The following MYO16 variants were observed in gnomAD, a reference collection of about 807,000 sequenced individuals.
MYO16 encodes myosin XVI, also known as unconventional myosin-XVI.
MYO16 carries 94 observed loss-of-function variants against 205.3 expected under a neutral mutation model. The ratio of observed to expected loss-of-function variants is 0.46; its 90% CI spans 0.39 to 0.54. The LOEUF (loss-of-function observed/expected upper bound fraction) is 0.54. Ranked by LOEUF, MYO16 falls within the 20% of genes least tolerant of loss-of-function variation. The pLI is 0.00. For missense variants in MYO16, 2,315 were observed against 2,387.5 expected (o/e 0.97, Z 0.63); for synonymous variants, 988 against 954.0 (o/e 1.04, Z -0.66).
intron 4 of MYO16, among the ~76,000 whole-genome samples, chr13:108,761,503 A>T (rs776709586): frequency 2.0e-5 from 3 of 152,236 alleles, no homozygotes; most frequent in Non-Finnish European, 4.4e-5. Flanking sequence ...ACAGGGTTTA[A>T]TAGGTAGCGA....
In MYO16 at chr13:109,040,385, C is replaced by CACAGAGAGAGAGAGAG. The variant is rs1394314811; in HGVS notation, c.2797-6530_2797-6529insCAGAGAGAGAGAGAGA. 2.0e-3 allele frequency among the ~76,000 whole-genome samples: 232 copies of CACAGAGAGAGAGAGAG among 113,266 alleles called. 3 individuals carry two copies. Among genetic ancestry groups the CACAGAGAGAGAGAGAG allele is most frequent in the Middle Eastern group, 0.017 (4 of 232 alleles). The allele number at this position is 113,266 out of a possible 152,430, so 74.3% of individuals were successfully genotyped here. Reference sequence around the variant, plus strand: ...ATACACACACACACACACACACACACAGAGAGAGAGAGAGAGAGAGAGAGA... The same window carrying CACAGAGAGAGAGAGAG: ...ATACACACACACACACACACACACACACAGAGAGAGAGAGAGAGAGAGAGAGAGAGAGAGAGAGAGA... On this transcript the variant is annotated intron_variant, in intron 23 of 34. Coordinates refer to ENST00000457511, the MANE Select transcript of MYO16 (RefSeq NM_001198950.3).
rs1174633902 is a variant in MYO16, at chr13:109,162,032, G to C, written c.5165-2869G>C. Among the ~76,000 whole-genome samples the C allele has an allele frequency of 6.6e-6, 1 of 152,214 alleles. No homozygotes were observed. The highest frequency in any genetic ancestry group is 6.5e-5 in the Admixed American group (1 of 15,290). On this transcript the variant is annotated intron_variant, in intron 32 of 34. Transcript: ENST00000457511. The surrounding 1 kb of genome is among the most constrained non-coding windows in gnomAD (Gnocchi z 4.6). ...CAGGAGGCAGAGGTTGCAGGGAGCT[G>C]AGATCGTGCCACTGCCCTCCAGCCT...
chr13:108,644,453 A>G (rs1385279187), intron 1 of MYO16, among the ~76,000 whole-genome samples: 1 of 152,166 alleles, frequency 6.6e-6, no homozygotes, highest in Non-Finnish European at 1.5e-5. Flanking sequence ...AGCTGAAATA[A>G]TAAACCTTAA....
At chr13:108,957,869 A>G (rs891634170) in intron 17 of MYO16, 70 bp downstream of exon 17, 3 of 1,260,620 alleles carry the variant, frequency 2.4e-6, no homozygotes, top group South Asian at 2.6e-5. Flanking sequence ...TATTCATTCA[A>G]AAGCATTTAC....
At chr13:108,597,386 C>T (rs943927629) in intron 1 of MYO16, among the ~76,000 whole-genome samples, 8 of 152,124 alleles carry the variant, frequency 5.3e-5, no homozygotes, top group Non-Finnish European at 5.9e-5. Flanking sequence ...GATTTATCTC[C>T]AGATTCCTAA....
intron 27 of MYO16, among the ~76,000 whole-genome samples, chr13:109,084,736 T>C (rs1888385557): frequency 6.6e-6 from 1 of 151,970 alleles, no homozygotes. Flanking sequence ...TTCCCTTCCT[T>C]CCTTTTTTTT....
the MYO16 span, among the ~76,000 whole-genome samples, chr13:108,501,439 A>G: frequency 2.8e-4 from 42 of 152,112 alleles, 1 homozygote; most frequent in Admixed American, 2.5e-3. Flanking sequence ...TCTCCCTTCC[A>G]TAAAAGACAT....
At chr13:108,862,405 C>T (rs1878489215) in intron 11 of MYO16, among the ~76,000 whole-genome samples, 2 of 152,004 alleles carry the variant, frequency 1.3e-5, no homozygotes, top group South Asian at 4.2e-4. Flanking sequence ...GGGATTATGG[C>T]CCAAACCCAA....
chr13:109,140,936 C>T lies in MYO16; in HGVS notation c.4724C>T (p.Pro1575Leu). Reference sequence around the variant, plus strand: ...AGCCAGAAGGGCGACGGCGACAGGCCCGCGTCCCCCGGCCTGGCGCTGTTC... The same window carrying T: ...AGCCAGAAGGGCGACGGCGACAGGCTCGCGTCCCCCGGCCTGGCGCTGTTC... ...SKSQKGDGDR[P>L]ASPGLALFNG... The change falls in exon 32 of 35, where the codon CCC becomes CTC. Residue 1575 changes from proline (P) to leucine (L), a missense_variant. Around this residue, in one of 3 missense-constraint regions of MYO16, gnomAD observed 1,097 missense variants for 1,092.0 expected, o/e 1.00. Coordinates refer to ENST00000457511, the MANE Select transcript of MYO16 (RefSeq NM_001198950.3). This position sits in a 1 kb window ranked among gnomAD's most constrained non-coding sequence, Gnocchi z 8.0. 6.4e-7 allele frequency: 1 copy of T among 1,555,676 alleles called. No individual in the cohort carries two copies. The highest frequency in any genetic ancestry group is 8.7e-7 in the Non-Finnish European group (1 of 1,153,734).
chr13:109,183,426 C>A (rs1389942048), intron 34 of MYO16, among the ~76,000 whole-genome samples: 1 of 152,140 alleles, frequency 6.6e-6, no homozygotes, highest in Non-Finnish European at 1.5e-5. Context: ...GACGCAGAAA[C>A]AAAAATGCTT....
chr13:108,784,108 G>T (rs1424413327), intron 4 of MYO16, among the ~76,000 whole-genome samples: 1 of 152,166 alleles, frequency 6.6e-6, no homozygotes, highest in African/African-American at 2.4e-5. Flanking sequence ...ACCTCGGCCT[G>T]CCTATCCTTG....
chr13:108,595,637 GA>G (rs1283689277), upstream of MYO16, among the ~76,000 whole-genome samples: 1 of 152,066 alleles, frequency 6.6e-6, no homozygotes, highest in Non-Finnish European at 1.5e-5. Flanking sequence ...CACCTGCTGG[GA>G]GTGTTTTGAC....
intron 15 of MYO16, among the ~76,000 whole-genome samples, chr13:108,902,582 G>A (rs79442756): frequency 0.058 from 8,761 of 152,284 alleles, 403 homozygotes; most frequent in Middle Eastern, 0.22. Flanking sequence ...GTCTGTAGAC[G>A]CACGAGCTCT....
chr13:108,894,637 C>T (rs59850164), intron 14 of MYO16, among the ~76,000 whole-genome samples: 3,964 of 152,186 alleles, frequency 0.026, 307 homozygotes, highest in East Asian at 0.23. Context: ...CTTATTCTTA[C>T]GAGAAGTGAC....
chr13:108,646,046 T>C (rs1184893230), intron 1 of MYO16, among the ~76,000 whole-genome samples: 1 of 152,226 alleles, frequency 6.6e-6, no homozygotes, highest in African/African-American at 2.4e-5. Context: ...TCAGGCTGAC[T>C]GTAGGTGACC....
At chr13:108,542,559 T>C in the MYO16 span, among the ~76,000 whole-genome samples, 1 of 152,340 alleles carries the variant, frequency 6.6e-6, no homozygotes, top group East Asian at 1.9e-4. Flanking sequence ...ATGGTATTTA[T>C]TGAAATGAGT....
intron 2 of MYO16, among the ~76,000 whole-genome samples, chr13:108,699,076 G>C (rs201002411): frequency 6.1e-5 from 9 of 147,880 alleles, no homozygotes; most frequent in African/African-American, 2.0e-4. Flanking sequence ...GTCTCTCTCT[G>C]TCTCTCTCTC....
In MYO16 at chr13:109,055,231, CA is replaced by C. The variant is rs1887375234; in HGVS notation, c.3129+112del. The C allele has an allele frequency of 9.7e-6, 10 of 1,029,798 alleles. No homozygotes were observed. The East Asian group carries it at 1.3e-4, about 13-fold the overall frequency. 63.8% of individuals were successfully genotyped at this position (1,029,798 alleles called of 1,614,324 possible). ...ATTTTTGACAACTTAAATATCTTCA[CA>C]AAAAAAGTAAACATACACACACACA... On this transcript the variant is annotated intron_variant, in intron 26 of 34. Coordinates refer to ENST00000457511, the MANE Select transcript of MYO16 (RefSeq NM_001198950.3). This position sits in a 1 kb window ranked among gnomAD's most constrained non-coding sequence, Gnocchi z 5.0.
chr13:108,699,612 T>A (rs1883223272), intron 2 of MYO16, among the ~76,000 whole-genome samples: 1 of 152,194 alleles, frequency 6.6e-6, no homozygotes, highest in Non-Finnish European at 1.5e-5. Flanking sequence ...ATACTGTCAC[T>A]TTACATCTGT....
Sources: allele counts gnomAD v4.1 joint callset (sites outside exome capture counted in the v4.1 genomes callset), GRCh38; gene constraint gnomAD v4.1.1; regional missense constraint gnomAD v4.1.1; non-coding constraint Gnocchi (gnomAD v3.1); transcripts MANE v1.5; gene names NCBI Gene and HGNC (gene_info 2026-07-23, HGNC 2026-07-21).